The following PLA2R1 variants were observed in gnomAD, a reference collection of about 807,000 sequenced individuals.
PLA2R1 encodes phospholipase A2 receptor 1.
Under a neutral mutation model 195.9 loss-of-function variants are expected in PLA2R1, and 158 were observed. That is an observed-to-expected ratio of 0.81 (90% CI 0.71 to 0.92). The LOEUF is 0.92. Ranked by LOEUF, PLA2R1 falls within the 40% of genes least tolerant of loss-of-function variation. PLA2R1 has a pLI of 0.00. For missense variants in PLA2R1, 1,626 were observed against 1,764.6 expected, an observed-to-expected ratio of 0.92 and a Z score of 1.41; for synonymous variants, 586 against 598.2, an observed-to-expected ratio of 0.98 and a Z score of 0.30.
intron 27 of PLA2R1, chr2:159,946,460 A>G: frequency 9.9e-7 from 1 of 1,008,474 alleles, no homozygotes; most frequent in Non-Finnish European, 1.2e-6. Flanking sequence ...TTGTGCTTTT[A>G]TAACATTTAG....
intron 9 of PLA2R1, 49 bp downstream of exon 9, chr2:160,016,565 T>G: frequency 2.4e-6 from 2 of 843,428 alleles, no homozygotes; most frequent in African/African-American, 1.7e-5. Context: ...GAATTGATAT[T>G]CTAGCTATGA....
the PLA2R1 span, among the ~76,000 whole-genome samples, chr2:159,925,443 T>G: frequency 1.3e-5 from 2 of 152,158 alleles, no homozygotes; most frequent in Admixed American, 1.3e-4. Context: ...TTGTTTTTAT[T>G]GTTGACACTT....
At chr2:160,059,917 G>T (rs1465210549) in intron 1 of PLA2R1, among the ~76,000 whole-genome samples, 1 of 152,138 alleles carries the variant, frequency 6.6e-6, no homozygotes, top group East Asian at 1.9e-4. Context: ...CTCCCCCTGG[G>T]TCCCTCCCAC....
chr2:159,975,860 A>C (rs1045291249), intron 17 of PLA2R1, among the ~76,000 whole-genome samples: 7 of 152,224 alleles, frequency 4.6e-5, no homozygotes, highest in Admixed American at 4.6e-4. Flanking sequence ...TGAGCAATAC[A>C]GTAAACCTGT....
At chr2:159,944,208 TTCC>T (rs1479224029) in intron 28 of PLA2R1, among the ~76,000 whole-genome samples, 2 of 152,154 alleles carry the variant, frequency 1.3e-5, no homozygotes, top group African/African-American at 4.8e-5. Flanking sequence ...GCTGGGCCTT[TTCC>T]TCCTCTGTTC....
chr2:160,025,218 T>A (rs1344617996), intron 6 of PLA2R1, among the ~76,000 whole-genome samples: 2 of 152,108 alleles, frequency 1.3e-5, no homozygotes, highest in African/African-American at 4.8e-5. Flanking sequence ...AAAAATAGAT[T>A]GGGCACAGTG....
chr2:160,009,122 G>A (rs985932654), intron 10 of PLA2R1, among the ~76,000 whole-genome samples: 3 of 152,310 alleles, frequency 2.0e-5, no homozygotes, highest in Non-Finnish European at 4.4e-5. Context: ...GGAAAATGGT[G>A]TAGCCATTAT....
chr2:160,006,154 A>G (rs553599933), intron 10 of PLA2R1, among the ~76,000 whole-genome samples: 5 of 152,260 alleles, frequency 3.3e-5, no homozygotes, highest in African/African-American at 1.2e-4. Flanking sequence ...GATGTGGCCT[A>G]TTTTGTAATT....
Position 159,999,666 on chromosome 2 carries a change from C to T in PLA2R1, c.1834+5986G>A, listed in dbSNP as rs533558432. ...GGCGTGAGCCACCACGCCCGGCCTACGTAATTTTTAAATGTCCCTTGTCAT... is the reference window on the plus strand; with the variant it reads ...GGCGTGAGCCACCACGCCCGGCCTATGTAATTTTTAAATGTCCCTTGTCAT... On this transcript the variant is annotated intron_variant, in intron 11 of 29. Coordinates refer to ENST00000283243, the MANE Select transcript of PLA2R1 (RefSeq NM_007366.5). 2.4e-4 allele frequency among the ~76,000 whole-genome samples: 37 copies of T among 151,764 alleles called. 13 individuals are homozygous for T. The South Asian group carries it at 7.3e-3, about 30-fold the overall frequency.
At chr2:159,992,680 G>C (rs1336931223) in intron 11 of PLA2R1, among the ~76,000 whole-genome samples, 3 of 151,468 alleles carry the variant, frequency 2.0e-5, no homozygotes, top group Non-Finnish European at 2.9e-5. Flanking sequence ...AGTTCATATG[G>C]AACCAAAAAA....
At position 160,022,811 on chromosome 2, in the gene PLA2R1, T is replaced by A; in HGVS notation, c.1148A>T (p.Asn383Ile). 1 of 1,613,590 alleles carries A rather than the reference T, an allele frequency of 6.2e-7. No homozygotes were observed. The highest frequency in any genetic ancestry group is 8.5e-7 in the Non-Finnish European group (1 of 1,179,666). Residue 383 changes from asparagine (N) to isoleucine (I), a missense_variant, in exon 7 of 30, where the codon AAT (asparagine) becomes ATT (isoleucine). By Grantham distance (149) the Asn-to-Ile change is moderately radical (BLOSUM62 -3). Transcript: ENST00000283243. ...YYATHCEPGW[N>I]PYNRNCYKLQ... ...TTTGTAGCAATTACGATTGTAGGGA[T>A]TCCAGCCAGGCTCACAGTGGGTAGC...
chr2:159,979,228 A>G (rs1393710762), intron 14 of PLA2R1, among the ~76,000 whole-genome samples: 2 of 152,090 alleles, frequency 1.3e-5, no homozygotes, highest in Non-Finnish European at 2.9e-5. Context: ...TCATTTTGAG[A>G]AAAATGTGAG....
At chr2:160,059,535 G>A (rs140224662) in intron 1 of PLA2R1, among the ~76,000 whole-genome samples, 2 of 152,132 alleles carry the variant, frequency 1.3e-5, no homozygotes, top group African/African-American at 2.4e-5. Flanking sequence ...AGGGTCACAC[G>A]GATGGTAAAT....
intron 20 of PLA2R1, among the ~76,000 whole-genome samples, chr2:159,959,681 T>C (rs1688310374): frequency 6.6e-6 from 1 of 152,148 alleles, no homozygotes; most frequent in Non-Finnish European, 1.5e-5. Flanking sequence ...ACTTGGTCCT[T>C]TCCCAGTGTT....
At chr2:160,058,533 C>T (rs1207685465) in intron 1 of PLA2R1, among the ~76,000 whole-genome samples, 1 of 151,812 alleles carries the variant, frequency 6.6e-6, no homozygotes, top group Non-Finnish European at 1.5e-5. Context: ...TTTTTCAACC[C>T]TCAACAAAGC....
chr2:159,960,863 G>C (rs1278872732), intron 20 of PLA2R1, among the ~76,000 whole-genome samples: 1 of 152,070 alleles, frequency 6.6e-6, no homozygotes, highest in Non-Finnish European at 1.5e-5. Flanking sequence ...ATAAAAATTA[G>C]TCCTAGGAAA....
Position 159,970,164 on chromosome 2 carries a change from C to T in PLA2R1, c.2644G>A (p.Ala882Thr). Reference protein sequence around the residue: ...SWWIGLQEERANDEFRWRDGT... With the variant: ...SWWIGLQEERTNDEFRWRDGT... ...GGTTCATACCGAAATTCATCATTGG[C>T]TCTTTCTTCTTGAAGTCCAATCCAC... Residue 882 changes from alanine (A) to threonine (T), a missense_variant, in exon 18 of 30, where the codon GCC (alanine) becomes ACC (threonine). By Grantham distance (58) the Ala-to-Thr change is moderately conservative. Coordinates refer to ENST00000283243, the MANE Select transcript of PLA2R1 (RefSeq NM_007366.5). The T allele has an allele frequency of 6.2e-7, 1 of 1,606,236 alleles. No individual in the cohort carries two copies. The highest frequency in any genetic ancestry group is 8.5e-7 in the Non-Finnish European group (1 of 1,174,806).
chr2:159,967,815 C>T, intron 19 of PLA2R1, 137 bp from the exon 20 acceptor site: 1 of 645,894 alleles, frequency 1.5e-6, no homozygotes, highest in Non-Finnish European at 2.4e-6. Flanking sequence ...AACTAAACTA[C>T]TGATCTTAGA....
At chr2:160,049,272 A>G (rs907529799) in intron 1 of PLA2R1, among the ~76,000 whole-genome samples, 5 of 152,242 alleles carry the variant, frequency 3.3e-5, no homozygotes, top group Admixed American at 6.5e-5. Flanking sequence ...GCCCCATAAG[A>G]TAACGTGTAC....
Sources: gnomAD v4.1 joint callset for allele counts (sites outside exome capture counted in the v4.1 genomes callset) on GRCh38, gnomAD v4.1.1 for gene constraint, MANE v1.5 for transcripts, NCBI Gene and HGNC (gene_info 2026-07-23, HGNC 2026-07-21) for gene names.